The following GRM7 variants were observed in gnomAD, a reference collection of about 807,000 sequenced individuals.
GRM7 encodes metabotropic glutamate receptor 7.
A neutral mutation model predicts 84.5 loss-of-function variants in GRM7; 35 were observed. The observed-to-expected ratio is 0.41, with a 90% CI of 0.32 to 0.55. The LOEUF (loss-of-function observed/expected upper bound fraction) is 0.55, where lower values mean the gene tolerates loss of function less well. Among genes scored for constraint, GRM7 ranks in the 20% least tolerant of loss-of-function variants. The pLI is 0.19. For synonymous variants in GRM7, 487 were observed against 455.1 expected, an observed-to-expected ratio of 1.07 and a Z score of -0.89; for missense variants, 1,003 against 1,194.6, an observed-to-expected ratio of 0.84 and a Z score of 2.36.
Position 7,352,027 on chromosome 3 carries a change from T to TTC in GRM7, c.1033+45388_1033+45389dup, listed in dbSNP as rs1243962506. 1.1e-3 allele frequency among the ~76,000 whole-genome samples: 143 copies of TTC among 135,274 alleles called. 1 individual carries two copies. The highest frequency in any genetic ancestry group is 2.2e-3 in the Admixed American group (28 of 12,924). 88.7% of individuals were successfully genotyped at this position (135,274 alleles called of 152,430 possible). A position where few individuals can be genotyped will look rare whatever the true frequency, so the allele number is the denominator to read the frequency against. ...ATATATTCATTCAGTCATTCGTTCA[T>TTC]TCTCTCTCTCTCTCACACACACACA... On this transcript the variant is annotated intron_variant, in intron 4 of 9. Coordinates refer to ENST00000357716, the MANE Select transcript of GRM7 (RefSeq NM_000844.4).
At chr3:7,164,465 A>G (rs1344347453) in intron 2 of GRM7, among the ~76,000 whole-genome samples, 1 of 152,210 alleles carries the variant, frequency 6.6e-6, no homozygotes, top group Non-Finnish European at 1.5e-5. Context: ...AGACTTCTCA[A>G]AGTTTCACTT....
chr3:7,116,379 A>G (rs1195614086), intron 1 of GRM7, among the ~76,000 whole-genome samples: 1 of 152,142 alleles, frequency 6.6e-6, no homozygotes, highest in East Asian at 1.9e-4. Flanking sequence ...TGAATATATA[A>G]AACCATCTGT....
intron 1 of GRM7, among the ~76,000 whole-genome samples, chr3:6,888,298 T>A (rs1695785815): frequency 6.6e-6 from 1 of 152,236 alleles, no homozygotes; most frequent in African/African-American, 2.4e-5. Flanking sequence ...AGACATGAAG[T>A]CCTTGCCCAT....
At chr3:6,988,560 A>G (rs914669398) in intron 1 of GRM7, among the ~76,000 whole-genome samples, 17 of 152,146 alleles carry the variant, frequency 1.1e-4, no homozygotes, top group African/African-American at 4.1e-4. Context: ...AGTGCTTCTC[A>G]GCTCTAACTG....
chr3:7,091,126 T>A (rs1297978211), intron 1 of GRM7, among the ~76,000 whole-genome samples: 2 of 152,070 alleles, frequency 1.3e-5, no homozygotes, highest in African/African-American at 4.8e-5. Flanking sequence ...GTGATATAAA[T>A]TCTTTAGCTC....
intron 8 of GRM7, among the ~76,000 whole-genome samples, chr3:7,662,229 T>A (rs1699493939): frequency 6.6e-6 from 1 of 152,106 alleles, no homozygotes; most frequent in African/African-American, 2.4e-5. Flanking sequence ...AAAAGCGAAT[T>A]ATGGGGGAGG....
intron 8 of GRM7, chr3:7,607,995 GT>G: frequency 3.3e-6 from 1 of 299,980 alleles, no homozygotes; most frequent in Non-Finnish European, 7.0e-6. Flanking sequence ...TCTGTTTTCT[GT>G]TTCAGCATCA....
chr3:6,991,845 A>G (rs1031947256), intron 1 of GRM7, among the ~76,000 whole-genome samples: 6 of 152,224 alleles, frequency 3.9e-5, no homozygotes, highest in Non-Finnish European at 8.8e-5. Context: ...ATTATTAATT[A>G]CAGTCACTAT....
At chr3:6,977,315 T>A (rs1694038443) in intron 1 of GRM7, among the ~76,000 whole-genome samples, 1 of 152,124 alleles carries the variant, frequency 6.6e-6, no homozygotes, top group South Asian at 2.1e-4. Flanking sequence ...AGACACTTAC[T>A]ATTCCCTTAT....
At chr3:6,976,023 G>C (rs546478259) in intron 1 of GRM7, among the ~76,000 whole-genome samples, 1 of 152,180 alleles carries the variant, frequency 6.6e-6, no homozygotes, top group Admixed American at 6.5e-5. Context: ...TCTACAATTT[G>C]GATTTCTAGT....
chr3:7,164,851 G>A (rs1018041128), intron 2 of GRM7, among the ~76,000 whole-genome samples: 1 of 152,210 alleles, frequency 6.6e-6, no homozygotes, highest in African/African-American at 2.4e-5. Context: ...CAGAGTCTAG[G>A]AGAGAAGATC....
At chr3:7,290,530 T>G (rs906015207) in intron 2 of GRM7, among the ~76,000 whole-genome samples, 3 of 152,184 alleles carry the variant, frequency 2.0e-5, no homozygotes, top group African/African-American at 7.2e-5. Context: ...ATATGATGGA[T>G]TCACACCTCA....
chr3:7,523,808 A>T (rs1700689005), intron 7 of GRM7, among the ~76,000 whole-genome samples: 1 of 152,114 alleles, frequency 6.6e-6, no homozygotes, highest in African/African-American at 2.4e-5. Context: ...AAGGACAGAT[A>T]TGGAAATGCG....
intron 7 of GRM7, among the ~76,000 whole-genome samples, chr3:7,539,283 G>C (rs1352313106): frequency 6.6e-6 from 1 of 152,116 alleles, no homozygotes; most frequent in Non-Finnish European, 1.5e-5. Context: ...AAAATGTCAC[G>C]AGAACAGCGT....
chr3:7,370,260 A>G (rs1030417659), intron 4 of GRM7, among the ~76,000 whole-genome samples: 8 of 152,172 alleles, frequency 5.3e-5, no homozygotes, highest in Non-Finnish European at 1.0e-4. Flanking sequence ...CCCAATGCCC[A>G]TCAGTATTAA....
intron 8 of GRM7, among the ~76,000 whole-genome samples, chr3:7,660,717 A>C (rs189944758): frequency 3.3e-5 from 5 of 152,316 alleles, no homozygotes; most frequent in African/African-American, 1.2e-4. Context: ...GAAGGCTAAT[A>C]TAATCTGATT....
intron 7 of GRM7, among the ~76,000 whole-genome samples, chr3:7,548,235 T>C (rs1416961141): frequency 2.0e-5 from 3 of 152,212 alleles, no homozygotes; most frequent in Admixed American, 2.0e-4. Context: ...GTCAGCTCTA[T>C]TAGGTCCCAT....
intron 8 of GRM7, among the ~76,000 whole-genome samples, chr3:7,614,098 T>C (rs1235450549): frequency 6.6e-6 from 1 of 152,050 alleles, no homozygotes; most frequent in Non-Finnish European, 1.5e-5. Context: ...ACTCCGTCTC[T>C]ACTAAGAACT....
intron 2 of GRM7, among the ~76,000 whole-genome samples, chr3:7,237,576 C>T (rs1156517099): frequency 6.6e-6 from 1 of 152,126 alleles, no homozygotes; most frequent in Admixed American, 6.5e-5. Flanking sequence ...GGAGTTTCTT[C>T]CTTCTGGTGG....
Sources: allele counts gnomAD v4.1 joint callset (sites outside exome capture counted in the v4.1 genomes callset), GRCh38; gene constraint gnomAD v4.1.1; transcripts MANE v1.5; gene names NCBI Gene and HGNC (gene_info 2026-07-23, HGNC 2026-07-21).